The following DRC11 variants were observed in gnomAD, a reference collection of about 807,000 sequenced individuals.
DRC11 encodes the protein IQ and AAA domain-containing protein 1.
the DRC11 span, among the ~76,000 whole-genome samples, chr2:236,396,607 C>A: frequency 6.6e-6 from 1 of 152,048 alleles, no homozygotes; most frequent in East Asian, 1.9e-4. Flanking sequence ...CCCATGGGAG[C>A]ATTAGATTTC....
At chr2:236,335,103 G>A in the DRC11 span, among the ~76,000 whole-genome samples, 7 of 152,134 alleles carry the variant, frequency 4.6e-5, no homozygotes, top group Non-Finnish European at 7.4e-5. This position sits in a 1 kb window ranked among gnomAD's most constrained non-coding sequence, Gnocchi z 5.6. Flanking sequence ...CTGTCCCCAC[G>A]TGGCCCGGAG....
At chr2:236,468,262 T>C in the DRC11 span, among the ~76,000 whole-genome samples, 3 of 152,106 alleles carry the variant, frequency 2.0e-5, no homozygotes, top group African/African-American at 4.8e-5. Context: ...GGGTAATTTT[T>C]TGTACTTTTT....
At chr2:236,447,906 T>A in the DRC11 span, among the ~76,000 whole-genome samples, 1 of 152,164 alleles carries the variant, frequency 6.6e-6, no homozygotes, top group Non-Finnish European at 1.5e-5. This position sits in a 1 kb window ranked among gnomAD's most constrained non-coding sequence, Gnocchi z 4.6. Flanking sequence ...GAGGGTGGAT[T>A]CAGGAATGAC....
chr2:236,380,306 A>C, the DRC11 span, among the ~76,000 whole-genome samples: 1 of 152,176 alleles, frequency 6.6e-6, no homozygotes, highest in Non-Finnish European at 1.5e-5. The surrounding 1 kb of genome is among the most constrained non-coding windows in gnomAD (Gnocchi z 4.9). Context: ...TTAAACAAAA[A>C]ACTTAAACAA....
the DRC11 span, among the ~76,000 whole-genome samples, chr2:236,414,763 A>G: frequency 2.0e-5 from 3 of 152,244 alleles, no homozygotes; most frequent in Non-Finnish European, 4.4e-5. Context: ...GCGAACGTTC[A>G]TATTTTAAAC....
At chr2:236,424,484 A>T in the DRC11 span, among the ~76,000 whole-genome samples, 8 of 152,176 alleles carry the variant, frequency 5.3e-5, no homozygotes, top group African/African-American at 1.9e-4. Context: ...CATACTGTTA[A>T]CTAGCCAAGA....
chr2:236,349,639 C>G, the DRC11 span, among the ~76,000 whole-genome samples: 7 of 152,172 alleles, frequency 4.6e-5, no homozygotes, highest in African/African-American at 7.2e-5. The surrounding 1 kb of genome is among the most constrained non-coding windows in gnomAD (Gnocchi z 5.5). Context: ...AATCAAATAC[C>G]ACTTATTCTC....
chr2:236,367,925 C>A, the DRC11 span: 1 of 467,012 alleles, frequency 2.1e-6, no homozygotes, highest in Non-Finnish European at 3.9e-6. This position sits in a 1 kb window ranked among gnomAD's most constrained non-coding sequence, Gnocchi z 4.8. Context: ...ACTTGCTTTG[C>A]CTATTATCTC....
the DRC11 span, among the ~76,000 whole-genome samples, chr2:236,337,396 C>T: frequency 5.0e-4 from 76 of 152,208 alleles, no homozygotes; most frequent in African/African-American, 1.8e-3. The surrounding 1 kb of genome is among the most constrained non-coding windows in gnomAD (Gnocchi z 4.9). Flanking sequence ...CTTCCTCTAC[C>T]TCCACTGCCA....
the DRC11 span, among the ~76,000 whole-genome samples, chr2:236,404,302 C>A: frequency 2.3e-3 from 351 of 152,094 alleles, no homozygotes; most frequent in Non-Finnish European, 3.9e-3. Context: ...TATTGGGAGT[C>A]GTTTTTTCCT....
chr2:236,389,370 C>T, the DRC11 span, among the ~76,000 whole-genome samples: 3 of 152,292 alleles, frequency 2.0e-5, no homozygotes, highest in South Asian at 2.1e-4. Flanking sequence ...CGTGGTGCAC[C>T]GTTTTTTAAG....
the DRC11 span, among the ~76,000 whole-genome samples, chr2:236,383,693 T>C: frequency 6.6e-6 from 1 of 152,088 alleles, no homozygotes; most frequent in Non-Finnish European, 1.5e-5. Context: ...CTTTAAGTTT[T>C]AGGGTACATG....
the DRC11 span, among the ~76,000 whole-genome samples, chr2:236,326,277 G>A: frequency 6.6e-6 from 1 of 152,176 alleles, no homozygotes; most frequent in East Asian, 1.9e-4. Context: ...TTGTTCCTCT[G>A]ATACTTACTG....
the DRC11 span, among the ~76,000 whole-genome samples, chr2:236,473,485 T>G: frequency 6.6e-6 from 1 of 152,226 alleles, no homozygotes; most frequent in South Asian, 2.1e-4. This position sits in a 1 kb window ranked among gnomAD's most constrained non-coding sequence, Gnocchi z 4.8. Context: ...TAGGATTCAG[T>G]AGATGCGTTT....
At chr2:236,311,453 G>C in the DRC11 span, among the ~76,000 whole-genome samples, 3 of 152,170 alleles carry the variant, frequency 2.0e-5, no homozygotes, top group East Asian at 5.8e-4. This position sits in a 1 kb window ranked among gnomAD's most constrained non-coding sequence, Gnocchi z 6.9. Context: ...AGTGAGCCTT[G>C]TCCTTCACCT....
At chr2:236,342,795 C>T in the DRC11 span, among the ~76,000 whole-genome samples, 27 of 152,286 alleles carry the variant, frequency 1.8e-4, no homozygotes, top group South Asian at 4.3e-3. This position sits in a 1 kb window ranked among gnomAD's most constrained non-coding sequence, Gnocchi z 5.8. Context: ...GTCCCCTCGC[C>T]GGCCTTGCAG....
At chr2:236,441,653 T>G in the DRC11 span, among the ~76,000 whole-genome samples, 2 of 152,176 alleles carry the variant, frequency 1.3e-5, no homozygotes, top group African/African-American at 4.8e-5. Context: ...ACTTTGAAAT[T>G]TAATGTTGAG....
the DRC11 span, among the ~76,000 whole-genome samples, chr2:236,416,721 T>TTATA: frequency 3.8e-3 from 241 of 64,128 alleles, 3 homozygotes; most frequent in East Asian, 7.0e-3. Flanking sequence ...ATATATATAT[T>TTATA]TATATATATA....
At chr2:236,466,649 C>A in the DRC11 span, among the ~76,000 whole-genome samples, 2 of 152,016 alleles carry the variant, frequency 1.3e-5, no homozygotes, top group African/African-American at 2.4e-5. Context: ...GGGGAGGTCC[C>A]AGACTTGTAT....
Sources: allele counts gnomAD v4.1 joint callset (sites outside exome capture counted in the v4.1 genomes callset), GRCh38; gene constraint gnomAD v4.1.1; non-coding constraint Gnocchi (gnomAD v3.1); transcripts MANE v1.5; gene names NCBI Gene and HGNC (gene_info 2026-07-23, HGNC 2026-07-21).